The following LIN28B variants were observed in gnomAD, a reference collection of about 807,000 sequenced individuals.
LIN28B encodes lin-28 RNA binding posttranscriptional regulator B.
A neutral mutation model predicts 21.9 loss-of-function variants in LIN28B; 5 were observed. The observed-to-expected ratio is 0.23, with a 90% CI of 0.12 to 0.48. The LOEUF is 0.48. Ranked by LOEUF, LIN28B falls within the 20% of genes least tolerant of loss-of-function variation. The pLI is 0.98. For synonymous variants in LIN28B, 109 were observed against 111.3 expected, an observed-to-expected ratio of 0.98 and a Z score of 0.13; for missense variants, 245 against 310.5, an observed-to-expected ratio of 0.79 and a Z score of 1.58.
chr6:105,040,563 A>G (rs991626618), intron 3 of LIN28B, among the ~76,000 whole-genome samples: 3 of 151,972 alleles, frequency 2.0e-5, no homozygotes, highest in African/African-American at 7.2e-5. Context: ...ACACAAATAC[A>G]CATTATATGT....
intron 3 of LIN28B, among the ~76,000 whole-genome samples, chr6:105,044,524 A>G (rs1013721327): frequency 1.3e-5 from 2 of 152,150 alleles, no homozygotes; most frequent in African/African-American, 4.8e-5. Flanking sequence ...TGGTACAGGA[A>G]TCTCAGTTTT....
chr6:105,049,083 T>C (rs1204391315), intron 3 of LIN28B, among the ~76,000 whole-genome samples: 1 of 152,218 alleles, frequency 6.6e-6, no homozygotes, highest in Non-Finnish European at 1.5e-5. Flanking sequence ...TGCTCTTGCT[T>C]CTCTAGTTCT....
intron 2 of LIN28B, among the ~76,000 whole-genome samples, chr6:104,966,613 C>T (rs973173356): frequency 2.1e-5 from 3 of 145,974 alleles, no homozygotes; most frequent in Admixed American, 6.9e-5. Flanking sequence ...TCACCATGCC[C>T]GGCTGATTTT....
intron 3 of LIN28B, among the ~76,000 whole-genome samples, chr6:105,060,727 A>G (rs1772108751): frequency 1.3e-5 from 2 of 152,242 alleles, no homozygotes; most frequent in South Asian, 2.1e-4. Flanking sequence ...CTTTGAGCCA[A>G]CCAGGTATTA....
chr6:105,000,001 C>T (rs944709756), intron 2 of LIN28B, among the ~76,000 whole-genome samples: 1 of 152,024 alleles, frequency 6.6e-6, no homozygotes, highest in African/African-American at 2.4e-5. Flanking sequence ...CTTGGCACTC[C>T]TTTTGAGGAC....
chr6:105,027,200 A>G (rs1254359202), intron 3 of LIN28B, among the ~76,000 whole-genome samples: 1 of 152,148 alleles, frequency 6.6e-6, no homozygotes, highest in African/African-American at 2.4e-5. Context: ...GAAAATCTGG[A>G]TCAAAAAAAT....
At chr6:104,946,803 TATA>T (rs1778161274) in intron 2 of LIN28B, among the ~76,000 whole-genome samples, 1 of 152,180 alleles carries the variant, frequency 6.6e-6, no homozygotes, top group Non-Finnish European at 1.5e-5. Context: ...GAATATTTAT[TATA>T]GTAAGTTGTA....
At chr6:104,961,525 T>C (rs559841498) in intron 2 of LIN28B, among the ~76,000 whole-genome samples, 4 of 151,892 alleles carry the variant, frequency 2.6e-5, no homozygotes, top group Non-Finnish European at 5.9e-5. Flanking sequence ...CTCAGCCTCC[T>C]GAGTAGCTGG....
intron 2 of LIN28B, among the ~76,000 whole-genome samples, chr6:104,973,424 T>C: frequency 6.6e-6 from 1 of 152,176 alleles, no homozygotes; most frequent in East Asian, 1.9e-4. Context: ...CTTTATGCTG[T>C]CCCCAAATTA....
At chr6:105,006,392 A>G (rs759495988) in intron 2 of LIN28B, among the ~76,000 whole-genome samples, 17 of 152,090 alleles carry the variant, frequency 1.1e-4, no homozygotes, top group Admixed American at 9.2e-4. Context: ...GCTCACTGCA[A>G]TCTCCACCTT....
chr6:105,073,412 T>C (rs1772369276), intron 3 of LIN28B, among the ~76,000 whole-genome samples: 1 of 152,130 alleles, frequency 6.6e-6, no homozygotes, highest in Non-Finnish European at 1.5e-5. Context: ...TTTTAGTCCG[T>C]TTTTCCCAGG....
intron 2 of LIN28B, among the ~76,000 whole-genome samples, chr6:104,943,175 TA>T (rs1380914693): frequency 6.6e-6 from 1 of 152,158 alleles, no homozygotes. Context: ...TTATTGCACA[TA>T]TAAATCCCAA....
chr6:105,076,348 T>C (rs1372037865), intron 3 of LIN28B, among the ~76,000 whole-genome samples: 2 of 152,184 alleles, frequency 1.3e-5, no homozygotes, highest in Admixed American at 1.3e-4. Flanking sequence ...TAAGGTAATA[T>C]TGCTAACTGG....
At chr6:104,992,484 TTGTGTGTG>T (rs752464999) in intron 2 of LIN28B, among the ~76,000 whole-genome samples, 6 of 135,934 alleles carry the variant, frequency 4.4e-5, no homozygotes, top group Non-Finnish European at 7.8e-5. Flanking sequence ...TAAGTTTCTG[TTGTGTGTG>T]TGTGTGTGTG....
At chr6:104,977,070 G>T (rs1286535110) in intron 2 of LIN28B, among the ~76,000 whole-genome samples, 1 of 151,362 alleles carries the variant, frequency 6.6e-6, no homozygotes, top group African/African-American at 2.4e-5. Flanking sequence ...GCTCTTTCAG[G>T]TTGAAGTACA....
At chr6:105,020,118 T>TC (rs941241814) in intron 2 of LIN28B, among the ~76,000 whole-genome samples, 3 of 146,556 alleles carry the variant, frequency 2.0e-5, no homozygotes, top group Admixed American at 6.8e-5. Flanking sequence ...TTTTTTTTTT[T>TC]TTTTTTTTTT....
chr6:105,018,037 CTGAGGCAGGAGGATTGCT>C (rs1300021141), intron 2 of LIN28B, among the ~76,000 whole-genome samples: 1 of 152,178 alleles, frequency 6.6e-6, no homozygotes, highest in African/African-American at 2.4e-5. Flanking sequence ...CTTTGGGAGG[CTGAGGCAGGAGGATTGCT>C]TGAAGCCAGA....
At chr6:105,024,369 C>G (rs1228475637) in intron 2 of LIN28B, among the ~76,000 whole-genome samples, 1 of 152,048 alleles carries the variant, frequency 6.6e-6, no homozygotes, top group Admixed American at 6.6e-5. Context: ...TTTCTTTGTT[C>G]TCATAATTTC....
At chr6:105,008,494 A>G (rs187040907) in intron 2 of LIN28B, among the ~76,000 whole-genome samples, 63 of 152,156 alleles carry the variant, frequency 4.1e-4, no homozygotes, top group Admixed American at 9.2e-4. Context: ...AATACAAAAA[A>G]TTAGCTGGGC....
Sources: gnomAD v4.1 joint callset for allele counts (sites outside exome capture counted in the v4.1 genomes callset) on GRCh38, gnomAD v4.1.1 for gene constraint, MANE v1.5 for transcripts, NCBI Gene and HGNC (gene_info 2026-07-23, HGNC 2026-07-21) for gene names.